EDIL3: variants seen among roughly 807,000 people sequenced by gnomAD.
The protein encoded by EDIL3 is EGF like and discoidin domains 3.
EDIL3 carries 37 observed loss-of-function variants against 67.4 expected under a neutral mutation model. The observed-to-expected ratio is 0.55, with a 90% CI of 0.42 to 0.72. EDIL3 has a LOEUF of 0.72. EDIL3 is among the 30% of genes least tolerant of loss of function. The probability of loss-of-function intolerance (pLI) is 0.00; values close to 1 mark genes in which losing one functional copy is unlikely to be tolerated. For synonymous variants in EDIL3, 195 were observed against 196.3 expected, an observed-to-expected ratio of 0.99 and a Z score of 0.05; for missense variants, 527 against 586.3, an observed-to-expected ratio of 0.90 and a Z score of 1.04.
Position 84,135,050 on chromosome 5 carries a change from C to T in EDIL3, c.469+2191G>A, listed in dbSNP as rs140807683. On this transcript the variant is annotated intron_variant, in intron 5 of 10. Coordinates refer to ENST00000296591, the MANE Select transcript of EDIL3 (RefSeq NM_005711.5). ...CCTCTCTCCCTCTTTCATAGCCTTA[C>T]TGTCTGTCTCATAAACCCTTCATCC... Among the ~76,000 whole-genome samples, 193 of 152,296 alleles carry T rather than the reference C, an allele frequency of 1.3e-3. 1 individual carries two copies. Among genetic ancestry groups the T allele is most frequent in the African/African-American group, 4.3e-3 (177 of 41,546 alleles).
At chr5:83,975,276 T>A (rs1744859648) in intron 9 of EDIL3, among the ~76,000 whole-genome samples, 1 of 152,028 alleles carries the variant, frequency 6.6e-6, no homozygotes, top group Admixed American at 6.6e-5. Context: ...CTTTCTGCAC[T>A]CAGCACCAAA....
At chr5:84,297,949 T>C (rs1264719880) in intron 1 of EDIL3, among the ~76,000 whole-genome samples, 1 of 152,052 alleles carries the variant, frequency 6.6e-6, no homozygotes, top group Non-Finnish European at 1.5e-5. Context: ...TGCATCAGGG[T>C]AGCCTTCCAC....
At position 84,109,304 on chromosome 5, in the gene EDIL3, G is replaced by C. The variant is rs925526845; in HGVS notation, c.470-2474C>G. Among the ~76,000 whole-genome samples, 18 of 152,246 alleles carry C rather than the reference G, an allele frequency of 1.2e-4. No individual in the cohort carries two copies. In the East Asian group the frequency reaches 2.5e-3, roughly 21 times the overall value. On this transcript the variant is annotated intron_variant, in intron 5 of 10. Coordinates refer to ENST00000296591, the MANE Select transcript of EDIL3 (RefSeq NM_005711.5). The stretch of plus-strand genomic sequence containing the variant: ...GTGGATCACCTGAGGTCAGGAGTTT[G>C]AGACCAGACTGACCAACATGGTGAA...
At chr5:84,121,146 T>C (rs1747767718) in intron 5 of EDIL3, among the ~76,000 whole-genome samples, 1 of 152,002 alleles carries the variant, frequency 6.6e-6, no homozygotes, top group Non-Finnish European at 1.5e-5. Flanking sequence ...TGTACATACG[T>C]TGAGCATTCC....
chr5:84,208,324 A>C (rs28819388), intron 3 of EDIL3, among the ~76,000 whole-genome samples: 18,759 of 152,150 alleles, frequency 0.12, 1,341 homozygotes, highest in Non-Finnish European at 0.16. Context: ...CCATCAGAGA[A>C]ATGCAAATCA....
chr5:84,045,284 T>G (rs1014475989), intron 9 of EDIL3, among the ~76,000 whole-genome samples: 3 of 152,078 alleles, frequency 2.0e-5, no homozygotes, highest in Non-Finnish European at 2.9e-5. Flanking sequence ...AGCCAAACCA[T>G]ATCAGTAGAT....
At chr5:84,096,299 C>A (rs1747261887) in intron 6 of EDIL3, among the ~76,000 whole-genome samples, 1 of 152,184 alleles carries the variant, frequency 6.6e-6, no homozygotes, top group Admixed American at 6.5e-5. Context: ...CAAAGGCAAC[C>A]TGTGAAAGCA....
At chr5:84,174,985 G>A (rs1031399504) in intron 4 of EDIL3, among the ~76,000 whole-genome samples, 5 of 152,144 alleles carry the variant, frequency 3.3e-5, no homozygotes, top group East Asian at 1.9e-4. Context: ...TAGCAATAAC[G>A]TCTTAAGCTA....
At chr5:84,117,176 C>T (rs1323366770) in intron 5 of EDIL3, among the ~76,000 whole-genome samples, 2 of 151,774 alleles carry the variant, frequency 1.3e-5, no homozygotes, top group Non-Finnish European at 2.9e-5. Flanking sequence ...TACAGGCGCC[C>T]ACCATCACGC....
At chr5:84,152,027 C>G (rs772296896) in intron 4 of EDIL3, among the ~76,000 whole-genome samples, 3 of 151,724 alleles carry the variant, frequency 2.0e-5, no homozygotes, top group Non-Finnish European at 4.4e-5. Flanking sequence ...TCAAGCAATT[C>G]TCCTGCCTCA....
intron 9 of EDIL3, among the ~76,000 whole-genome samples, chr5:83,982,276 C>T (rs528897023): frequency 2.0e-5 from 3 of 152,028 alleles, no homozygotes; most frequent in Non-Finnish European, 4.4e-5. Context: ...TTATTTTGCT[C>T]TTATTTTTCC....
intron 3 of EDIL3, among the ~76,000 whole-genome samples, chr5:84,206,545 A>C (rs1255389672): frequency 6.6e-6 from 1 of 152,162 alleles, no homozygotes. Context: ...AACTCATTTT[A>C]TGAGGCCAGC....
intron 1 of EDIL3, among the ~76,000 whole-genome samples, chr5:84,316,382 C>A (rs1746512408): frequency 6.6e-6 from 1 of 152,058 alleles, no homozygotes; most frequent in Non-Finnish European, 1.5e-5. Flanking sequence ...CATGCAAAGA[C>A]ACATATAGGC....
intron 9 of EDIL3, among the ~76,000 whole-genome samples, chr5:84,027,504 T>C (rs764338364): frequency 1.6e-4 from 24 of 152,100 alleles, no homozygotes; most frequent in Non-Finnish European, 3.2e-4. Context: ...AGTTCAAAGA[T>C]GGAGATGGAA....
chr5:84,104,929 G>A (rs1431589437), intron 6 of EDIL3, among the ~76,000 whole-genome samples: 1 of 152,126 alleles, frequency 6.6e-6, no homozygotes, highest in East Asian at 1.9e-4. Flanking sequence ...ATAGAAAGAT[G>A]GCAATCATTG....
At chr5:84,196,460 T>C (rs1448305019) in intron 3 of EDIL3, among the ~76,000 whole-genome samples, 2 of 152,054 alleles carry the variant, frequency 1.3e-5, no homozygotes, top group Admixed American at 1.3e-4. Context: ...GTTTTCTCAA[T>C]GGCTTTAACG....
intron 1 of EDIL3, among the ~76,000 whole-genome samples, chr5:84,332,148 C>T (rs778684903): frequency 1.3e-5 from 2 of 152,128 alleles, no homozygotes; most frequent in African/African-American, 2.4e-5. Flanking sequence ...GTGGGAGGAT[C>T]GCTTGAGGCT....
At chr5:84,080,251 G>C (rs1472914653) in intron 6 of EDIL3, among the ~76,000 whole-genome samples, 1 of 126,550 alleles carries the variant, frequency 7.9e-6, no homozygotes. Flanking sequence ...AGCCGAGATC[G>C]CGCTGCCACT....
chr5:84,106,600 C>A (rs1747466977), intron 6 of EDIL3, 49 bp downstream of exon 6: 3 of 1,498,006 alleles, frequency 2.0e-6, no homozygotes, highest in Non-Finnish European at 2.7e-6. Flanking sequence ...TGACCAGAAT[C>A]ATTTAAAAAT....
Sources: gnomAD v4.1 joint callset for allele counts (sites outside exome capture counted in the v4.1 genomes callset) on GRCh38, gnomAD v4.1.1 for gene constraint, MANE v1.5 for transcripts, NCBI Gene and HGNC (gene_info 2026-07-23, HGNC 2026-07-21) for gene names.